Variants in XKR6 observed in about 807,000 individuals in gnomAD.
XKR6 encodes the protein XK related 6, also known as XK-related protein 6.
Under a neutral mutation model 56.7 loss-of-function variants are expected in XKR6, and 22 were observed. The observed-to-expected ratio is 0.39, with a 90% CI of 0.28 to 0.55. The LOEUF is 0.55. XKR6 is among the 20% of genes least tolerant of loss of function. XKR6 has a pLI of 0.66. For synonymous variants in XKR6, 524 were observed against 387.8 expected (o/e 1.35, Z -4.13); for missense variants, 852 against 889.0 (o/e 0.96, Z 0.53).
intron 1 of XKR6, among the ~76,000 whole-genome samples, chr8:11,139,231 CT>C (rs1249748178): frequency 6.6e-6 from 1 of 152,186 alleles, no homozygotes; most frequent in Non-Finnish European, 1.5e-5. Flanking sequence ...ATGTACAAAA[CT>C]ATAATTTTCT....
chr8:11,193,502 G>C (rs2409728), intron 1 of XKR6, among the ~76,000 whole-genome samples: 1 of 152,188 alleles, frequency 6.6e-6, no homozygotes, highest in African/African-American at 2.4e-5. Flanking sequence ...TGTAACAATA[G>C]CCACTGAATT....
chr8:11,101,067 T>C (rs1042914579), intron 1 of XKR6, among the ~76,000 whole-genome samples: 11 of 152,170 alleles, frequency 7.2e-5, no homozygotes, highest in African/African-American at 2.4e-4. Flanking sequence ...TTGAAAAGCA[T>C]ACACACGTGC....
chr8:10,900,483 G>A (rs936440615), intron 2 of XKR6, among the ~76,000 whole-genome samples: 2 of 152,112 alleles, frequency 1.3e-5, no homozygotes, highest in African/African-American at 4.8e-5. Context: ...GAACAGTATG[G>A]TGCAATAAAA....
rs369765633 is a variant in XKR6 at position 11,045,135 on chromosome 8, G to A, written c.765-120305C>T. Among the ~76,000 whole-genome samples, 82 of 135,394 alleles carry A rather than the reference G, an allele frequency of 6.1e-4. 1 individual carries two copies. Among genetic ancestry groups the A allele is most frequent in the African/African-American group, 1.9e-3 (65 of 34,312 alleles). The allele number at this position is 135,394 out of a possible 152,430, so 88.8% of individuals were successfully genotyped here. The stretch of plus-strand genomic sequence containing the variant: ...GAAGTGTCGCTCTGTCGCCCAGGCC[G>A]GAGTGCAGTGGCACGATCTCAGCTC... On this transcript the variant is annotated intron_variant, in intron 1 of 2. Coordinates refer to ENST00000416569, the MANE Select transcript of XKR6 (RefSeq NM_173683.4).
At chr8:10,977,723 C>T (rs1024284408) in intron 1 of XKR6, among the ~76,000 whole-genome samples, 4 of 150,516 alleles carry the variant, frequency 2.7e-5, no homozygotes, top group Admixed American at 6.7e-5. Context: ...GGTCATAGAA[C>T]GAGGAGAAGT....
chr8:10,898,368 G>A lies in XKR6; in HGVS notation c.1510C>T (p.Arg504Ter), dbSNP rs1799946906. Residue 504 changes from arginine (R) to a stop codon, truncating the protein, a stop_gained, in exon 3 of 3, where the codon CGA becomes TGA. Transcript: ENST00000416569. LOFTEE classifies it high-confidence loss of function. This position sits in a 1 kb window ranked among gnomAD's most constrained non-coding sequence, Gnocchi z 6.6. ...CAGGAGCTGGCAAGGATCTTAGCTCGTGGTCCTGTGGGATGCAGCACGCCA... is the reference window on the plus strand; with the variant it reads ...CAGGAGCTGGCAAGGATCTTAGCTCATGGTCCTGTGGGATGCAGCACGCCA... ...YYGVLHPTGP[R>*]AKILASSCCA... 1.2e-6 allele frequency: 2 copies of A among 1,614,042 alleles called. No homozygotes were observed. Among genetic ancestry groups the A allele is most frequent in the Non-Finnish European group, 1.7e-6 (2 of 1,179,994 alleles).
chr8:11,020,183 T>G (rs974844306), intron 1 of XKR6, among the ~76,000 whole-genome samples: 1 of 151,968 alleles, frequency 6.6e-6, no homozygotes, highest in Non-Finnish European at 1.5e-5. Flanking sequence ...ATGAGGGGAC[T>G]TCAAATAATG....
intron 1 of XKR6, among the ~76,000 whole-genome samples, chr8:10,950,500 C>A (rs907663511): frequency 1.3e-5 from 2 of 152,102 alleles, no homozygotes; most frequent in Non-Finnish European, 2.9e-5. Context: ...GCATCTTGAG[C>A]CTCAGTCACC....
chr8:10,899,179 G>C (rs918722540), intron 2 of XKR6, among the ~76,000 whole-genome samples: 1 of 152,190 alleles, frequency 6.6e-6, no homozygotes, highest in Non-Finnish European at 1.5e-5. Context: ...AGTGTGTTTT[G>C]CTAGGGGGCT....
At position 10,956,310 on chromosome 8, in the gene XKR6, C is replaced by A. The variant is rs550071542; in HGVS notation, c.765-31480G>T. 4.2e-4 allele frequency among the ~76,000 whole-genome samples: 47 copies of A among 111,052 alleles called. No individual in the cohort carries two copies. In the South Asian group the frequency reaches 0.015, roughly 37 times the overall value. The allele number at this position is 111,052 out of a possible 152,430, so 72.9% of individuals were successfully genotyped here. ...CATTTCATTTCCTTTACTTTCTGCC[C>A]ATCTGAAAGGCGCCCCGGGATGTGG... On this transcript the variant is annotated intron_variant, in intron 1 of 2. Coordinates refer to ENST00000416569, the MANE Select transcript of XKR6 (RefSeq NM_173683.4).
At chr8:11,155,480 T>C (rs969180943) in intron 1 of XKR6, among the ~76,000 whole-genome samples, 8 of 152,232 alleles carry the variant, frequency 5.3e-5, no homozygotes, top group Non-Finnish European at 1.2e-4. Context: ...TTGTGCATTA[T>C]CTTCAGGATA....
intron 1 of XKR6, among the ~76,000 whole-genome samples, chr8:11,075,491 C>A (rs1800250148): frequency 6.6e-6 from 1 of 152,132 alleles, no homozygotes; most frequent in African/African-American, 2.4e-5. Context: ...TGACCCCTAC[C>A]CTAAGCACAA....
chr8:11,072,570 G>A (rs1586507719), intron 1 of XKR6, among the ~76,000 whole-genome samples: 3 of 152,330 alleles, frequency 2.0e-5, no homozygotes, highest in Non-Finnish European at 4.4e-5. Flanking sequence ...AAGTCCACAC[G>A]TCTCATGTTG....
In XKR6 at chr8:11,153,244, C is replaced by G. The variant is rs376525209; in HGVS notation, c.764+47332G>C. ...TTCAGATAACTACTCCCAATTGACC[C>G]AAATAAACCAATTTACTGGGTCAAG... On this transcript the variant is annotated intron_variant, in intron 1 of 2. Coordinates refer to ENST00000416569, the MANE Select transcript of XKR6 (RefSeq NM_173683.4). Among the ~76,000 whole-genome samples, 71 of 152,168 alleles carry G rather than the reference C, an allele frequency of 4.7e-4. 2 individuals carry two copies. Among genetic ancestry groups the G allele is most frequent in the African/African-American group, 1.5e-3 (63 of 41,518 alleles).
chr8:10,957,649 C>T lies in XKR6; in HGVS notation c.765-32819G>A, dbSNP rs564008697. ...GATGGAGCTTCCGCCTGCCAAGAGC[C>T]GCTGATGCCCAGTCTCACTCTGGGC... is the stretch of plus-strand genomic sequence containing the variant. On this transcript the variant is annotated intron_variant, in intron 1 of 2. Coordinates refer to ENST00000416569, the MANE Select transcript of XKR6 (RefSeq NM_173683.4). 2.0e-4 allele frequency among the ~76,000 whole-genome samples: 31 copies of T among 152,282 alleles called. 2 individuals are homozygous for T. Among genetic ancestry groups the T allele is most frequent in the African/African-American group, 6.3e-4 (26 of 41,562 alleles).
intron 1 of XKR6, among the ~76,000 whole-genome samples, chr8:11,156,593 A>G (rs1038642954): frequency 5.9e-5 from 9 of 152,220 alleles, no homozygotes; most frequent in African/African-American, 2.2e-4. Context: ...ACCCCAAAGA[A>G]GTTAAAAATT....
At chr8:10,950,251 C>T (rs1292788600) in intron 1 of XKR6, among the ~76,000 whole-genome samples, 2 of 152,186 alleles carry the variant, frequency 1.3e-5, no homozygotes, top group Non-Finnish European at 2.9e-5. Flanking sequence ...GCAGGGGGCT[C>T]CTCTGTGCTC....
At chr8:10,980,763 A>T (rs1362330627) in intron 1 of XKR6, among the ~76,000 whole-genome samples, 3 of 152,132 alleles carry the variant, frequency 2.0e-5, no homozygotes, top group Non-Finnish European at 4.4e-5. Flanking sequence ...CCTATCTATC[A>T]TCTATCTATA....
chr8:11,100,965 C>T (rs1798452299), intron 1 of XKR6, among the ~76,000 whole-genome samples: 1 of 152,194 alleles, frequency 6.6e-6, no homozygotes, highest in Admixed American at 6.5e-5. Flanking sequence ...AGACAGTTTC[C>T]TCACCCATCT....
Sources: allele counts gnomAD v4.1 joint callset (sites outside exome capture counted in the v4.1 genomes callset), GRCh38; gene constraint gnomAD v4.1.1; non-coding constraint Gnocchi (gnomAD v3.1); transcripts MANE v1.5; gene names NCBI Gene and HGNC (gene_info 2026-07-23, HGNC 2026-07-21).